The following TENM4 variants were observed in gnomAD, a reference collection of about 807,000 sequenced individuals.
The protein encoded by TENM4 is teneurin transmembrane protein 4.
TENM4 carries 82 observed loss-of-function variants against 243.3 expected under a neutral mutation model. The observed-to-expected ratio is 0.34, with a 90% confidence interval of 0.28 to 0.40. The LOEUF is 0.40. Among genes scored for constraint, TENM4 ranks in the 10% least tolerant of loss-of-function variants. The pLI is 1.00. For missense variants in TENM4, 3,138 were observed against 3,673.3 expected (o/e 0.85, Z 3.77); for synonymous variants, 1,412 against 1,456.3 (o/e 0.97, Z 0.69).
chr11:78,815,648 A>G (rs569283111), intron 12 of TENM4, among the ~76,000 whole-genome samples: 1 of 152,336 alleles, frequency 6.6e-6, no homozygotes, highest in Admixed American at 6.5e-5. Flanking sequence ...TCATTTCTCA[A>G]TAATGCTGGA....
intron 3 of TENM4, among the ~76,000 whole-genome samples, chr11:79,153,304 T>A (rs531377802): frequency 1.3e-5 from 2 of 152,338 alleles, no homozygotes; most frequent in South Asian, 4.1e-4. Flanking sequence ...AGATGATTCT[T>A]CTTGTGTGAA....
At chr11:79,334,167 G>A (rs1016669352) in intron 1 of TENM4, among the ~76,000 whole-genome samples, 2 of 152,202 alleles carry the variant, frequency 1.3e-5, no homozygotes, top group Non-Finnish European at 2.9e-5. Context: ...GAATCAAAGA[G>A]CAGGTCCCAG....
intron 29 of TENM4, among the ~76,000 whole-genome samples, chr11:78,683,972 G>A (rs1858591244): frequency 6.6e-6 from 1 of 152,156 alleles, no homozygotes. Context: ...TCTTCAGTAA[G>A]TGCTGGCTTA....
rs1343671939 is a variant in TENM4, at chr11:78,688,038, C to A, written c.5260+16G>T. ...ACCCCTCTGCCTCAAAGTCCCCTGG[C>A]CCCCACCTGACTTACCTTGCAGCAG... On this transcript the variant is annotated intron_variant, in intron 29 of 33. Coordinates refer to ENST00000278550, the MANE Select transcript of TENM4 (RefSeq NM_001098816.3). 2 of 1,612,236 alleles carry A rather than the reference C, an allele frequency of 1.2e-6. No homozygotes were observed. The highest frequency in any genetic ancestry group is 1.1e-5 in the South Asian group (1 of 90,682).
chr11:79,363,417 C>A (rs191526079), intron 1 of TENM4, among the ~76,000 whole-genome samples: 5 of 152,338 alleles, frequency 3.3e-5, no homozygotes, highest in Admixed American at 1.3e-4. Context: ...CAGAAAATAA[C>A]CTGCGATGTA....
chr11:79,423,675 C>T lies in TENM4; in HGVS notation c.-321+16834G>A, dbSNP rs558760907. Among the ~76,000 whole-genome samples the T allele has an allele frequency of 2.0e-4, 31 of 151,350 alleles. No homozygotes were observed. In the South Asian group the frequency reaches 6.5e-3, roughly 32 times the overall value. On this transcript the variant is annotated intron_variant, in intron 1 of 33. Transcript: ENST00000278550. ...GTCTATGCACTCCTGGAGCAGCAGGCGCAGGGAGGGTTAAATGTGAGGCCA... is the reference window on the plus strand; with the variant it reads ...GTCTATGCACTCCTGGAGCAGCAGGTGCAGGGAGGGTTAAATGTGAGGCCA...
chr11:78,735,441 T>C (rs189312541), intron 20 of TENM4, among the ~76,000 whole-genome samples: 1 of 152,220 alleles, frequency 6.6e-6, no homozygotes, highest in African/African-American at 2.4e-5. Context: ...TAAGCTCCCT[T>C]CATGAGAGGC....
intron 6 of TENM4, among the ~76,000 whole-genome samples, chr11:78,966,352 T>C (rs1857437185): frequency 6.6e-6 from 1 of 152,218 alleles, no homozygotes; most frequent in Non-Finnish European, 1.5e-5. Flanking sequence ...TGCATAAATA[T>C]GTACATGTAA....
intron 19 of TENM4, 44 bp downstream of exon 19, chr11:78,756,761 C>T (rs1191591365): frequency 3.2e-6 from 5 of 1,557,004 alleles, no homozygotes; most frequent in Non-Finnish European, 4.4e-6. Flanking sequence ...TGATTCAGTT[C>T]TCCCTCAGAG....
At chr11:79,090,474 T>C (rs1366311277) in intron 4 of TENM4, among the ~76,000 whole-genome samples, 38 of 152,238 alleles carry the variant, frequency 2.5e-4, no homozygotes, top group Admixed American at 2.5e-3. Flanking sequence ...AGGGCTGCAC[T>C]GTTGAGAAGG....
chr11:79,383,741 A>C (rs1439990440), intron 1 of TENM4, among the ~76,000 whole-genome samples: 1 of 152,138 alleles, frequency 6.6e-6, no homozygotes. Flanking sequence ...TTTTTACTGT[A>C]GTCTAAAACA....
chr11:79,234,835 G>A (rs1864433777), intron 2 of TENM4, among the ~76,000 whole-genome samples: 1 of 152,218 alleles, frequency 6.6e-6, no homozygotes, highest in Non-Finnish European at 1.5e-5. Context: ...TGTCCTTGGA[G>A]TGGGGCCCGC....
Position 78,889,972 on chromosome 11 carries a change from T to C in TENM4, c.897A>G (p.Thr299=), listed in dbSNP as rs972601796. 6 of 1,550,934 alleles carry C rather than the reference T, an allele frequency of 3.9e-6. No individual in the cohort carries two copies. The highest frequency in any genetic ancestry group is 8.7e-7 in the Non-Finnish European group (1 of 1,146,698). The change falls in exon 9 of 34, where the codon ACA becomes ACG. Residue 299 remains threonine (T), a synonymous_variant. Coordinates refer to ENST00000278550, the MANE Select transcript of TENM4 (RefSeq NM_001098816.3). ...PGGTSPLFCT[T]SPGYPLTSST... is the part of the protein sequence containing the mutation. ...TGGACGTCAGTGGGTACCCTGGTGA[T>C]GTGGTGCAGAAGAGCGGGGAGGTGC... is the stretch of plus-strand genomic sequence containing the variant.
At chr11:78,903,572 T>A (rs1855991194) in intron 6 of TENM4, 49 bp from the exon 7 acceptor site, 2 of 1,538,282 alleles carry the variant, frequency 1.3e-6, no homozygotes, top group South Asian at 2.4e-5. Context: ...GTGCTGCCCC[T>A]CGGCTGGAAA....
intron 6 of TENM4, among the ~76,000 whole-genome samples, chr11:79,061,780 G>GT (rs1860095178): frequency 6.6e-6 from 1 of 152,138 alleles, no homozygotes; most frequent in Non-Finnish European, 1.5e-5. Flanking sequence ...GTAGGCTTGA[G>GT]TTCCAATCTC....
rs1185884924 is a variant in TENM4, at chr11:78,676,348, G to C, written c.5300C>G (p.Ser1767Cys). 10 of 1,608,780 alleles carry C rather than the reference G, an allele frequency of 6.2e-6. No individual in the cohort carries two copies. The highest frequency in any genetic ancestry group is 8.5e-6 in the Non-Finnish European group (10 of 1,175,624). The change falls in exon 30 of 34, where the codon TCC becomes TGC. Residue 1767 changes from serine (S) to cysteine (C), a missense_variant. Physicochemically the swap from Ser to Cys is moderately radical, Grantham distance 112. Transcript: ENST00000278550. ...GCCGTTGGCCAGCAGCAGCCGCAAG[G>C]AGCCATCGGCCCCGATGTAGTAGCT... ...RNSYYIGADG[S>C]LRLLLANGME...
At position 78,953,563 on chromosome 11, in the gene TENM4, T is replaced by A. The variant is rs147717523; in HGVS notation, c.494-50040A>T. On this transcript the variant is annotated intron_variant, in intron 6 of 33. Coordinates refer to ENST00000278550, the MANE Select transcript of TENM4 (RefSeq NM_001098816.3). ...AAGTACAACTGCCCCTCCAAATCCA[T>A]GGACTCAACCAATGGTTGACTGAAT... Among the ~76,000 whole-genome samples, 726 of 152,148 alleles carry A rather than the reference T, an allele frequency of 4.8e-3. 7 individuals are homozygous for A. The highest frequency in any genetic ancestry group is 6.5e-3 in the Non-Finnish European group (439 of 67,998).
At chr11:79,288,977 G>C (rs1269342417) in intron 2 of TENM4, among the ~76,000 whole-genome samples, 2 of 152,122 alleles carry the variant, frequency 1.3e-5, no homozygotes, top group Non-Finnish European at 1.5e-5. Context: ...TGTGGTGAGA[G>C]GCCATCATAA....
intron 1 of TENM4, among the ~76,000 whole-genome samples, chr11:79,428,948 A>T (rs1231313065): frequency 6.6e-6 from 1 of 152,152 alleles, no homozygotes; most frequent in African/African-American, 2.4e-5. Flanking sequence ...CAGAGTTCTG[A>T]TGACTAGTTC....
Sources: allele counts gnomAD v4.1 joint callset (sites outside exome capture counted in the v4.1 genomes callset), GRCh38; gene constraint gnomAD v4.1.1; transcripts MANE v1.5; gene names NCBI Gene and HGNC (gene_info 2026-07-23, HGNC 2026-07-21).